CAPN9: variants seen among roughly 807,000 people sequenced by gnomAD.
CAPN9 encodes calpain 9, also known as calpain-9.
Under a neutral mutation model 92.8 loss-of-function variants are expected in CAPN9, and 81 were observed. The observed-to-expected ratio is 0.87, with a 90% CI of 0.73 to 1.05. The LOEUF is 1.05. Among genes scored for constraint, CAPN9 ranks in the 50% least tolerant of loss-of-function variants. The pLI, the probability that CAPN9 is intolerant of heterozygous loss-of-function variation, is 0.00. For missense variants in CAPN9, 848 were observed against 866.2 expected (o/e 0.98, Z 0.26); for synonymous variants, 304 against 328.0 (o/e 0.93, Z 0.79).
intron 3 of CAPN9, among the ~76,000 whole-genome samples, chr1:230,760,757 C>T (rs28359616): frequency 0.022 from 3,406 of 152,052 alleles, 141 homozygotes; most frequent in African/African-American, 0.076. Context: ...GGTTTGATGG[C>T]GCCCCCAGGA....
chr1:230,774,721 CT>C, intron 8 of CAPN9, 90 bp downstream of exon 8: 2 of 759,722 alleles, frequency 2.6e-6, no homozygotes, highest in Non-Finnish European at 2.2e-6. Flanking sequence ...TCTCGCTTTC[CT>C]TTTTCTTTCT....
chr1:230,791,405 C>G (rs1026353457), intron 14 of CAPN9, among the ~76,000 whole-genome samples: 5 of 152,172 alleles, frequency 3.3e-5, no homozygotes, highest in African/African-American at 1.2e-4. Context: ...TTTTCACCAG[C>G]AGCAGTATGG....
chr1:230,777,039 G>C (rs1169340647), intron 8 of CAPN9: 1 of 152,210 alleles, frequency 6.6e-6, no homozygotes, highest in East Asian at 1.9e-4. Flanking sequence ...AAGTACAGGG[G>C]ACTTTGAGTT....
chr1:230,758,218 C>T (rs369449454), intron 2 of CAPN9, among the ~76,000 whole-genome samples: 5 of 152,342 alleles, frequency 3.3e-5, no homozygotes, highest in African/African-American at 1.2e-4. Context: ...TGGAGGAGAG[C>T]TGGGAAAGGT....
At chr1:230,761,697 C>A (rs1665653285) in intron 3 of CAPN9, among the ~76,000 whole-genome samples, 2 of 152,080 alleles carry the variant, frequency 1.3e-5, no homozygotes, top group South Asian at 4.1e-4. Flanking sequence ...TGCCTACCCT[C>A]CTCTTTCAAC....
At chr1:230,751,616 AAAG>A (rs1664811247) in intron 1 of CAPN9, among the ~76,000 whole-genome samples, 1 of 39,872 alleles carries the variant, frequency 2.5e-5, no homozygotes, top group Non-Finnish European at 4.6e-5. Context: ...AAAGAGAAAG[AAAG>A]AAAGAAAGAA....
At chr1:230,770,934 G>A (rs1182718434) in intron 6 of CAPN9, among the ~76,000 whole-genome samples, 2 of 152,188 alleles carry the variant, frequency 1.3e-5, no homozygotes, top group South Asian at 4.1e-4. Context: ...GACGCCGTTG[G>A]ACTCTTTGGG....
At chr1:230,801,507 A>T in intron 19 of CAPN9, 63 bp from the exon 20 acceptor site, 1 of 1,545,584 alleles carries the variant, frequency 6.5e-7, no homozygotes, top group Non-Finnish European at 8.9e-7. Flanking sequence ...GCCACTCCTG[A>T]GGCTGAGGCT....
intron 5 of CAPN9, among the ~76,000 whole-genome samples, chr1:230,768,835 T>C (rs1369052771): frequency 1.3e-5 from 2 of 152,226 alleles, no homozygotes; most frequent in Non-Finnish European, 2.9e-5. Context: ...CCTGTTGTTA[T>C]ATTCTTCTTT....
chr1:230,747,780 CAG>C (rs1373533195), intron 1 of CAPN9, 71 bp downstream of exon 1: 9 of 1,405,950 alleles, frequency 6.4e-6, no homozygotes, highest in Middle Eastern at 1.8e-4. Flanking sequence ...GAAGTGGAAA[CAG>C]GGGTGCTGGG....
At chr1:230,754,160 A>G (rs1161953073) in intron 1 of CAPN9, among the ~76,000 whole-genome samples, 2 of 151,342 alleles carry the variant, frequency 1.3e-5, no homozygotes, top group Non-Finnish European at 2.9e-5. Context: ...TTCCGAGAGC[A>G]CCGCCCTCCG....
At chr1:230,796,363 T>G (rs947932108) in intron 18 of CAPN9, among the ~76,000 whole-genome samples, 1 of 146,266 alleles carries the variant, frequency 6.8e-6, no homozygotes, top group African/African-American at 2.5e-5. Flanking sequence ...AATAAATAAA[T>G]AAATAAATAA....
At chr1:230,791,562 A>AT in intron 14 of CAPN9, among the ~76,000 whole-genome samples, 1 of 152,116 alleles carries the variant, frequency 6.6e-6, no homozygotes, top group East Asian at 1.9e-4. Context: ...TCACTTCCAA[A>AT]TTTTTGCCAC....
intron 3 of CAPN9, among the ~76,000 whole-genome samples, chr1:230,762,429 T>G (rs963814054): frequency 6.6e-6 from 1 of 152,138 alleles, no homozygotes; most frequent in African/African-American, 2.4e-5. Context: ...TGACCCTGAG[T>G]CTTTCAGCTG....
Position 230,759,479 on chromosome 1 carries a change from T to A in CAPN9, c.284-33T>A. On this transcript the variant is annotated intron_variant, in intron 2 of 19. Transcript: ENST00000271971. ...TTTCCTATTTGCTGTGAAATAGCAA[T>A]GAAAATTGTGATTTATGGCTTCCAT... The A allele has an allele frequency of 2.0e-6, 3 of 1,484,780 alleles. No homozygotes were observed. The South Asian group carries it at 3.7e-5, about 18-fold the overall frequency. The allele number at this position is 1,484,780 out of a possible 1,614,324, so 92.0% of individuals were successfully genotyped here. A position where few individuals can be genotyped will look rare whatever the true frequency, so the allele number is the denominator to read the frequency against.
intron 11 of CAPN9, among the ~76,000 whole-genome samples, chr1:230,784,403 C>G (rs1487274022): frequency 6.6e-6 from 1 of 152,240 alleles, no homozygotes; most frequent in Non-Finnish European, 1.5e-5. Context: ...CTCCTCCCAT[C>G]ACAGGCCGAG....
At chr1:230,793,023 G>A (rs1668115684) in intron 17 of CAPN9, 95 bp downstream of exon 17, 15 of 936,538 alleles carry the variant, frequency 1.6e-5, no homozygotes, top group Admixed American at 3.7e-5. Flanking sequence ...CTGCTGCCCA[G>A]GAGGTGGGCC....
At chr1:230,774,732 TTTCTTTC>T in intron 8 of CAPN9, 101 bp downstream of exon 8, 2 of 714,792 alleles carry the variant, frequency 2.8e-6, no homozygotes, top group Non-Finnish European at 4.6e-6. Context: ...TTTTTCTTTC[TTTCTTTC>T]TTTTTTTTTT....
intron 15 of CAPN9, among the ~76,000 whole-genome samples, chr1:230,792,195 G>C (rs1001809701): frequency 1.3e-5 from 2 of 151,186 alleles, no homozygotes; most frequent in East Asian, 3.9e-4. Flanking sequence ...CCATCCAAGG[G>C]AACAGAGTTC....
Sources: gnomAD v4.1 joint callset for allele counts (sites outside exome capture counted in the v4.1 genomes callset) on GRCh38, gnomAD v4.1.1 for gene constraint, MANE v1.5 for transcripts, NCBI Gene and HGNC (gene_info 2026-07-23, HGNC 2026-07-21) for gene names.